The following PALM2AKAP2 variants were observed in gnomAD, a reference collection of about 807,000 sequenced individuals.
PALM2AKAP2 encodes PALM2-AKAP2 fusion protein.
In PALM2AKAP2, 37 loss-of-function variants were observed where a neutral mutation model predicts 71.5. The observed-to-expected ratio is 0.52, with a 90% CI of 0.40 to 0.68. The LOEUF (loss-of-function observed/expected upper bound fraction) is 0.68. Among genes scored for constraint, PALM2AKAP2 ranks in the 30% least tolerant of loss-of-function variants. The pLI, the probability that PALM2AKAP2 is intolerant of heterozygous loss-of-function variation, is 0.00. For missense variants in PALM2AKAP2, 1,224 were observed against 1,191.8 expected (o/e 1.03, Z -0.40); for synonymous variants, 468 against 478.8 (o/e 0.98, Z 0.29).
At chr9:109,968,735 G>A (rs1054428383) in intron 6 of PALM2AKAP2, among the ~76,000 whole-genome samples, 4 of 152,056 alleles carry the variant, frequency 2.6e-5, no homozygotes, top group East Asian at 1.9e-4. Flanking sequence ...GAGTCCAGCC[G>A]CGATTTTCAG....
intron 1 of PALM2AKAP2, among the ~76,000 whole-genome samples, chr9:110,135,403 T>C (rs1345508142): frequency 1.0e-4 from 11 of 106,056 alleles, no homozygotes; most frequent in Admixed American, 2.1e-4. Flanking sequence ...ATTAAGAAGA[T>C]AGGGTTTTCT....
chr9:109,957,899 C>G (rs73539461), intron 6 of PALM2AKAP2, among the ~76,000 whole-genome samples: 2,060 of 152,228 alleles, frequency 0.014, 58 homozygotes, highest in African/African-American at 0.047. Flanking sequence ...GCAGTGAGTC[C>G]GGGCTATGAT....
chr9:110,096,946 T>G (rs183953446), intron 1 of PALM2AKAP2, among the ~76,000 whole-genome samples: 1 of 148,592 alleles, frequency 6.7e-6, no homozygotes, highest in Non-Finnish European at 1.5e-5. Flanking sequence ...ATTTATTTAT[T>G]TATTTATTTA....
At chr9:109,913,806 G>C (rs898171074) in intron 3 of PALM2AKAP2, among the ~76,000 whole-genome samples, 24 of 147,238 alleles carry the variant, frequency 1.6e-4, no homozygotes, top group Admixed American at 1.3e-3. Flanking sequence ...GCCCAGGCTG[G>C]AGTGCAGTGG....
upstream of PALM2AKAP2, among the ~76,000 whole-genome samples, chr9:110,047,918 G>A (rs2132487427): frequency 6.6e-6 from 1 of 152,308 alleles, no homozygotes. Context: ...AGGGATGGCT[G>A]GCCACCCGCC....
At chr9:109,704,526 T>C (rs985621280) in intron 1 of PALM2AKAP2, among the ~76,000 whole-genome samples, 5 of 152,334 alleles carry the variant, frequency 3.3e-5, no homozygotes, top group East Asian at 1.9e-4. Context: ...GAGTTTCTGA[T>C]GGAAAATGTT....
chr9:109,891,728 C>T (rs542574095), intron 3 of PALM2AKAP2, among the ~76,000 whole-genome samples: 1 of 152,234 alleles, frequency 6.6e-6, no homozygotes, highest in South Asian at 2.1e-4. Flanking sequence ...TGACCTCAAG[C>T]GATCTGCTCA....
chr9:109,930,611 T>G (rs1485155253), intron 5 of PALM2AKAP2, among the ~76,000 whole-genome samples: 1 of 152,242 alleles, frequency 6.6e-6, no homozygotes, highest in African/African-American at 2.4e-5. Flanking sequence ...TTCAGACTCA[T>G]TTGCAAGTCA....
intron 1 of PALM2AKAP2, among the ~76,000 whole-genome samples, chr9:109,708,362 CTA>C (rs1167602260): frequency 6.6e-6 from 1 of 152,110 alleles, no homozygotes; most frequent in Non-Finnish European, 1.5e-5. Context: ...TGGAGGCTGA[CTA>C]AAGACAAAAT....
intron 1 of PALM2AKAP2, among the ~76,000 whole-genome samples, chr9:109,651,273 C>T (rs1484845632): frequency 6.6e-6 from 1 of 152,194 alleles, no homozygotes; most frequent in Non-Finnish European, 1.5e-5. Flanking sequence ...TTGGCCAGGG[C>T]ATCTTTCCTC....
At chr9:109,761,438 A>C (rs1829051300) in intron 1 of PALM2AKAP2, among the ~76,000 whole-genome samples, 1 of 152,152 alleles carries the variant, frequency 6.6e-6, no homozygotes, top group African/African-American at 2.4e-5. Context: ...TACATGTGCC[A>C]TGGTGGTTTG....
At chr9:109,822,904 G>A (rs1037188453) in intron 1 of PALM2AKAP2, among the ~76,000 whole-genome samples, 8 of 152,110 alleles carry the variant, frequency 5.3e-5, no homozygotes, top group African/African-American at 1.9e-4. Flanking sequence ...TTGCTGGGTC[G>A]AATGGTAGCT....
At chr9:109,831,754 A>G (rs1376722405) in intron 1 of PALM2AKAP2, among the ~76,000 whole-genome samples, 3 of 152,202 alleles carry the variant, frequency 2.0e-5, no homozygotes, top group Non-Finnish European at 2.9e-5. Context: ...AAAATAATCA[A>G]TTCATTCCTC....
chr9:109,897,954 T>C (rs1355361337), intron 3 of PALM2AKAP2, among the ~76,000 whole-genome samples: 1 of 152,194 alleles, frequency 6.6e-6, no homozygotes, highest in Non-Finnish European at 1.5e-5. Context: ...TTGGATTAAA[T>C]TTTTTTATCA....
intron 1 of PALM2AKAP2, among the ~76,000 whole-genome samples, chr9:109,807,294 T>A (rs1827602132): frequency 6.6e-6 from 1 of 152,172 alleles, no homozygotes; most frequent in African/African-American, 2.4e-5. Flanking sequence ...TAAGTTCAAT[T>A]TTTGGAGATG....
chr9:109,918,256 TA>T (rs1830740545), intron 3 of PALM2AKAP2, among the ~76,000 whole-genome samples: 1 of 152,222 alleles, frequency 6.6e-6, no homozygotes, highest in African/African-American at 2.4e-5. Context: ...AACTTTGAAA[TA>T]AGAGCATGAT....
chr9:109,680,177 C>T (rs577011424), intron 1 of PALM2AKAP2, among the ~76,000 whole-genome samples: 2 of 152,302 alleles, frequency 1.3e-5, no homozygotes, highest in African/African-American at 2.4e-5. Context: ...AATTTCTTCC[C>T]ACCTAGGATA....
chr9:109,874,866 T>G (rs1234140566), intron 2 of PALM2AKAP2, among the ~76,000 whole-genome samples: 1 of 152,222 alleles, frequency 6.6e-6, no homozygotes, highest in Non-Finnish European at 1.5e-5. Context: ...GTCACACTGA[T>G]TCTACCTCCA....
chr9:109,907,519 T>C (rs1249919026), intron 3 of PALM2AKAP2, among the ~76,000 whole-genome samples: 1 of 152,198 alleles, frequency 6.6e-6, no homozygotes, highest in East Asian at 1.9e-4. Flanking sequence ...GAGTATACCT[T>C]GACCCAAAGC....
Sources: allele counts gnomAD v4.1 joint callset (sites outside exome capture counted in the v4.1 genomes callset), GRCh38; gene constraint gnomAD v4.1.1; transcripts MANE v1.5; gene names NCBI Gene and HGNC (gene_info 2026-07-23, HGNC 2026-07-21).